Variants in WDR11 observed in about 807,000 individuals in gnomAD.
WDR11 encodes WD repeat domain 11.
WDR11 carries 83 observed loss-of-function variants against 151.2 expected under a neutral mutation model. The ratio of observed to expected loss-of-function variants is 0.55; its 90% CI spans 0.46 to 0.66. WDR11 has a LOEUF of 0.66. Among genes scored for constraint, WDR11 ranks in the 30% least tolerant of loss-of-function variants. The pLI is 0.00. For synonymous variants in WDR11, 484 were observed against 533.1 expected (o/e 0.91, Z 1.27); for missense variants, 1,301 against 1,480.9 (o/e 0.88, Z 1.99).
At chr10:120,893,786 T>C (rs1014101475) in intron 19 of WDR11, among the ~76,000 whole-genome samples, 2 of 151,904 alleles carry the variant, frequency 1.3e-5, no homozygotes, top group Non-Finnish European at 2.9e-5. Flanking sequence ...CATTTTTTCA[T>C]GTGTTTTTTG....
chr10:120,892,614 A>G (rs1381010523), intron 19 of WDR11, among the ~76,000 whole-genome samples: 3 of 152,328 alleles, frequency 2.0e-5, no homozygotes, highest in Admixed American at 6.5e-5. Context: ...GATAAAAATA[A>G]AATAGGTCCT....
At chr10:120,886,296 G>A (rs984486267) in intron 15 of WDR11, among the ~76,000 whole-genome samples, 1 of 151,986 alleles carries the variant, frequency 6.6e-6, no homozygotes, top group Admixed American at 6.6e-5. Flanking sequence ...ACACACCAAA[G>A]AAAATGTGTT....
chr10:120,908,396 G>A (rs577726328), intron 28 of WDR11, 160 bp from the exon 29 acceptor site: 260 of 730,242 alleles, frequency 3.6e-4, no homozygotes, highest in African/African-American at 3.1e-3. Flanking sequence ...CTCTGCCCGC[G>A]AAAAGTCTCC....
rs1257970002 is a variant in WDR11, at chr10:120,865,330, A to G, written c.879+118A>G. The G allele has an allele frequency of 3.7e-6, 4 of 1,067,902 alleles. No homozygotes were observed. In the South Asian group the frequency reaches 4.2e-5, roughly 11 times the overall value. The allele number at this position is 1,067,902 out of a possible 1,614,324, so 66.2% of individuals were successfully genotyped here. A position where few individuals can be genotyped will look rare whatever the true frequency, so the allele number is the denominator to read the frequency against. On this transcript the variant is annotated intron_variant, in intron 6 of 28. Transcript: ENST00000263461. Reference sequence around the variant, plus strand: ...CTCCACTTTCTCTTTTCAATTTATCAAAAGACTAGCAACACTATTTTAGAT... The same window carrying G: ...CTCCACTTTCTCTTTTCAATTTATCGAAAGACTAGCAACACTATTTTAGAT...
intron 4 of WDR11, among the ~76,000 whole-genome samples, chr10:120,861,981 A>G (rs1452015135): frequency 6.6e-6 from 1 of 152,172 alleles, no homozygotes; most frequent in Non-Finnish European, 1.5e-5. Flanking sequence ...AAAAGGGAAT[A>G]TATTTAGACT....
chr10:120,900,012 C>G lies in WDR11; in HGVS notation c.2516-17C>G, dbSNP rs767877452. ...AAAACTTCATTTTATTTTTAAAAAC[C>G]TTTCTTTGTTGTCTAGAGCCTGTGT... On this transcript the variant is annotated splice_polypyrimidine_tract_variant and intron_variant, in intron 19 of 28. Coordinates refer to ENST00000263461, the MANE Select transcript of WDR11 (RefSeq NM_018117.12). The G allele has an allele frequency of 8.1e-6, 13 of 1,602,032 alleles. No homozygotes were observed. In the Admixed American group the frequency reaches 1.0e-4, roughly 12 times the overall value.
intron 26 of WDR11, 72 bp downstream of exon 26, chr10:120,905,488 T>C: frequency 6.5e-7 from 1 of 1,529,944 alleles, no homozygotes; most frequent in South Asian, 1.1e-5. Flanking sequence ...ACTTTGGACT[T>C]ATGACTTAGA....
chr10:120,872,357 G>A (rs560295457), intron 10 of WDR11, among the ~76,000 whole-genome samples: 1 of 152,248 alleles, frequency 6.6e-6, no homozygotes, highest in Non-Finnish European at 1.5e-5. Flanking sequence ...ATTTTAATTA[G>A]GATTCATCAG....
chr10:120,874,945 C>T lies in WDR11; in HGVS notation c.1556+1022C>T, dbSNP rs1846711301. ...AGCCCCACATGCATTAGGTATTTCTCCTAATGCTCTCCCTCCCCTTGCCCC... is the reference window on the plus strand; with the variant it reads ...AGCCCCACATGCATTAGGTATTTCTTCTAATGCTCTCCCTCCCCTTGCCCC... On this transcript the variant is annotated intron_variant, in intron 11 of 28. Transcript: ENST00000263461. Among the ~76,000 whole-genome samples the T allele has an allele frequency of 3.3e-5, 5 of 152,132 alleles. No homozygotes were observed. In the South Asian group the frequency reaches 1.0e-3, roughly 32 times the overall value.
At chr10:120,881,036 G>A in intron 13 of WDR11, 135 bp downstream of exon 13, 1 of 730,378 alleles carries the variant, frequency 1.4e-6, no homozygotes, top group Non-Finnish European at 2.3e-6. Context: ...GTGATATGCA[G>A]CCCAAAGAAA....
intron 19 of WDR11, among the ~76,000 whole-genome samples, chr10:120,898,558 T>C (rs1247142568): frequency 6.6e-6 from 1 of 152,196 alleles, no homozygotes; most frequent in Non-Finnish European, 1.5e-5. Context: ...CACCCAAATC[T>C]CATGTCAAAT....
At position 120,860,110 on chromosome 10, in the gene WDR11, T is replaced by C. The variant is rs746078694; in HGVS notation, c.354T>C (p.Asp118=). The change falls in exon 4 of 29, where the codon GAT becomes GAC. Residue 118 remains aspartate (D), a splice_region_variant and synonymous_variant. Coordinates refer to ENST00000263461, the MANE Select transcript of WDR11 (RefSeq NM_018117.12). Reference sequence around the variant, plus strand: ...CCTTTCTTTATCGGGTCTTTCCAGATGTTCAGTGGTTGTGGAATCAAGATG... The same window carrying C: ...CCTTTCTTTATCGGGTCTTTCCAGACGTTCAGTGGTTGTGGAATCAAGATG... ...EIQEHAKPIQ[D]VQWLWNQDAS... is the part of the protein sequence containing the mutation. 2.5e-6 allele frequency: 4 copies of C among 1,614,200 alleles called. No individual in the cohort carries two copies. In the South Asian group the frequency reaches 4.4e-5, roughly 18 times the overall value.
At chr10:120,853,062 C>CTT (rs10668463) in intron 2 of WDR11, among the ~76,000 whole-genome samples, 55,430 of 151,838 alleles carry the variant, frequency 0.37, 10,129 homozygotes, top group Admixed American at 0.44. Flanking sequence ...TCACAGAAGT[C>CTT]TACAGTTTCA....
chr10:120,852,378 A>G lies in WDR11; in HGVS notation c.87-146A>G, dbSNP rs986968917. ...TAGCCAGATCTTTTATTTAAGTGGGATAATGATAAATACTGGCCTTTGGGT... is the reference window on the plus strand; with the variant it reads ...TAGCCAGATCTTTTATTTAAGTGGGGTAATGATAAATACTGGCCTTTGGGT... On this transcript the variant is annotated intron_variant, in intron 1 of 28. Coordinates refer to ENST00000263461, the MANE Select transcript of WDR11 (RefSeq NM_018117.12). The G allele has an allele frequency of 5.9e-6, 4 of 677,804 alleles. No individual in the cohort carries two copies. In the African/African-American group the frequency reaches 7.2e-5, roughly 12 times the overall value. The allele number at this position is 677,804 out of a possible 1,614,324, so 42.0% of individuals were successfully genotyped here.
At chr10:120,864,941 G>A in intron 5 of WDR11, 106 bp from the exon 6 acceptor site, 1 of 1,358,756 alleles carries the variant, frequency 7.4e-7, no homozygotes, top group Non-Finnish European at 1.0e-6. Flanking sequence ...GGGAATAGTT[G>A]TACATTTTTA....
chr10:120,865,316 CTT>C, intron 6 of WDR11, 104 bp downstream of exon 6: 1 of 1,201,650 alleles, frequency 8.3e-7, no homozygotes, highest in Non-Finnish European at 1.2e-6. Flanking sequence ...TCCACTTTCT[CTT>C]TTCAATTTAT....
intron 19 of WDR11, among the ~76,000 whole-genome samples, chr10:120,897,542 A>G (rs1177986354): frequency 6.6e-6 from 1 of 152,216 alleles, no homozygotes; most frequent in Non-Finnish European, 1.5e-5. Context: ...TTCTGATGCA[A>G]TGCAGTGAAA....
intron 11 of WDR11, among the ~76,000 whole-genome samples, chr10:120,876,168 CAAG>C (rs1464372156): frequency 1.3e-5 from 2 of 151,672 alleles, no homozygotes; most frequent in East Asian, 3.9e-4. Flanking sequence ...TTAGTAGAGA[CAAG>C]ATTTCACCAT....
At chr10:120,869,322 C>T (rs1219441328) in intron 9 of WDR11, among the ~76,000 whole-genome samples, 1 of 151,732 alleles carries the variant, frequency 6.6e-6, no homozygotes, top group Non-Finnish European at 1.5e-5. Flanking sequence ...ACTGTGTTAG[C>T]CAGGATGGTC....
Sources: allele counts gnomAD v4.1 joint callset (sites outside exome capture counted in the v4.1 genomes callset), GRCh38; gene constraint gnomAD v4.1.1; transcripts MANE v1.5; gene names NCBI Gene and HGNC (gene_info 2026-07-23, HGNC 2026-07-21).